The following PPP3CA variants were observed in gnomAD, a reference collection of about 807,000 sequenced individuals.
The protein encoded by PPP3CA is protein phosphatase 3 catalytic subunit alpha.
In PPP3CA, 14 loss-of-function variants were observed where a neutral mutation model predicts 66.5. The ratio of observed to expected loss-of-function variants is 0.21; its 90% CI spans 0.14 to 0.33. The LOEUF is 0.33. Ranked by LOEUF, PPP3CA falls within the 10% of genes least tolerant of loss-of-function variation. The pLI is 1.00. For synonymous variants in PPP3CA, 232 were observed against 226.2 expected (o/e 1.03, Z -0.23); for missense variants, 317 against 639.5 (o/e 0.50, Z 5.44).
intron 1 of PPP3CA, among the ~76,000 whole-genome samples, chr4:101,213,952 A>C (rs1474626767): frequency 1.3e-5 from 2 of 152,154 alleles, no homozygotes; most frequent in Non-Finnish European, 2.9e-5. Flanking sequence ...TTGGTTTTTG[A>C]CAAGTGACAG....
chr4:101,184,759 T>G (rs1386928109), intron 2 of PPP3CA, among the ~76,000 whole-genome samples: 4 of 152,146 alleles, frequency 2.6e-5, no homozygotes, highest in Non-Finnish European at 5.9e-5. Context: ...CAACAGAGCA[T>G]ATAAAACCTT....
At chr4:101,227,954 C>T (rs1365309399) in intron 1 of PPP3CA, among the ~76,000 whole-genome samples, 2 of 151,698 alleles carry the variant, frequency 1.3e-5, no homozygotes, top group East Asian at 3.9e-4. Context: ...ATCACATTTT[C>T]TTTATTCAGT....
chr4:101,083,030 C>T (rs1435621251), intron 7 of PPP3CA, among the ~76,000 whole-genome samples, 156 bp downstream of exon 7: 1 of 152,174 alleles, frequency 6.6e-6, no homozygotes, highest in Non-Finnish European at 1.5e-5. Context: ...CCCTAGGACT[C>T]TGTCATACCT....
Position 101,119,502 on chromosome 4 carries a change from AAAAAACAAAAAC to A in PPP3CA, c.260-10436_260-10425del, listed in dbSNP as rs377701668. The stretch of plus-strand genomic sequence containing the variant: ...GACATTTCACCAAATGGATTTTTTG[AAAAAACAAAAAC>A]AAAAACAAAAACAAAAAAACACAAA... On this transcript the variant is annotated intron_variant, in intron 2 of 13. Coordinates refer to ENST00000394854, the MANE Select transcript of PPP3CA (RefSeq NM_000944.5). 3.5e-3 allele frequency among the ~76,000 whole-genome samples: 529 copies of A among 152,134 alleles called. 2 individuals are homozygous for A. The highest frequency in any genetic ancestry group is 5.6e-3 in the Non-Finnish European group (380 of 67,950).
At chr4:101,057,807 T>G in intron 10 of PPP3CA, among the ~76,000 whole-genome samples, 1 of 152,194 alleles carries the variant, frequency 6.6e-6, no homozygotes, top group East Asian at 1.9e-4. Flanking sequence ...TCTTTTTCAA[T>G]TCCTCTGGGC....
chr4:101,058,406 A>C (rs1409859954), intron 10 of PPP3CA, among the ~76,000 whole-genome samples: 1 of 152,198 alleles, frequency 6.6e-6, no homozygotes, highest in Admixed American at 6.6e-5. Context: ...AAAGTGAGAG[A>C]TAAAGCTCAT....
At chr4:101,270,286 C>T in intron 1 of PPP3CA, among the ~76,000 whole-genome samples, 1 of 152,046 alleles carries the variant, frequency 6.6e-6, no homozygotes. Flanking sequence ...ACCAATAAAA[C>T]CTTTATCAAT....
chr4:101,031,866 G>GT (rs953172966), intron 12 of PPP3CA, among the ~76,000 whole-genome samples: 91 of 152,252 alleles, frequency 6.0e-4, no homozygotes, highest in African/African-American at 2.1e-3. Context: ...TATTTTAGTG[G>GT]TTATGTGTGT....
chr4:101,062,997 A>C (rs1728537803), intron 9 of PPP3CA, among the ~76,000 whole-genome samples: 1 of 151,864 alleles, frequency 6.6e-6, no homozygotes. Context: ...AGATTGTAAA[A>C]ATTTCCTAAA....
At chr4:101,273,392 G>A (rs1727393209) in intron 1 of PPP3CA, among the ~76,000 whole-genome samples, 1 of 152,056 alleles carries the variant, frequency 6.6e-6, no homozygotes, top group Non-Finnish European at 1.5e-5. Flanking sequence ...AGTGGCGCAG[G>A]CTCTACTCAC....
At chr4:101,206,834 A>G (rs767439260) in intron 1 of PPP3CA, among the ~76,000 whole-genome samples, 8 of 152,252 alleles carry the variant, frequency 5.3e-5, no homozygotes, top group Non-Finnish European at 1.0e-4. Flanking sequence ...TTCAGATCTA[A>G]AAGTATATAA....
At chr4:101,318,953 TA>T (rs1246817695) in intron 1 of PPP3CA, among the ~76,000 whole-genome samples, 2 of 152,106 alleles carry the variant, frequency 1.3e-5, no homozygotes, top group Non-Finnish European at 2.9e-5. Flanking sequence ...TCTATATTCT[TA>T]AATTCTTCTA....
rs1730703873 is a variant in PPP3CA at position 101,106,433 on chromosome 4, GAAAGA to G, written c.384+2516_384+2520del. ...AGAAAGAAAGAAAGAAAGAAAGAAA[GAAAGA>G]AAGAAAGAAAGAAAGAGAAAAGAAA... is the stretch of plus-strand genomic sequence containing the variant. On this transcript the variant is annotated intron_variant, in intron 3 of 13. Coordinates refer to ENST00000394854, the MANE Select transcript of PPP3CA (RefSeq NM_000944.5). 5.1e-4 allele frequency among the ~76,000 whole-genome samples: 6 copies of G among 11,708 alleles called. 2 individuals carry two copies. Among genetic ancestry groups the G allele is most frequent in the African/African-American group, 1.6e-3 (6 of 3,654 alleles). The allele number at this position is 11,708 out of a possible 152,430, so 7.7% of individuals were successfully genotyped here.
At chr4:101,233,484 GATA>G (rs1726029552) in intron 1 of PPP3CA, among the ~76,000 whole-genome samples, 1 of 151,796 alleles carries the variant, frequency 6.6e-6, no homozygotes, top group Middle Eastern at 3.4e-3. Flanking sequence ...AGCAGTTCAG[GATA>G]ATGTTTATTT....
intron 2 of PPP3CA, among the ~76,000 whole-genome samples, chr4:101,182,657 T>C (rs1228180596): frequency 3.9e-5 from 6 of 152,152 alleles, no homozygotes; most frequent in Non-Finnish European, 7.4e-5. Flanking sequence ...GATACATAGG[T>C]AACAATCTGC....
chr4:101,181,585 A>C (rs1376006189), intron 2 of PPP3CA, among the ~76,000 whole-genome samples: 1 of 152,072 alleles, frequency 6.6e-6, no homozygotes, highest in East Asian at 1.9e-4. Flanking sequence ...CTGGAATCTA[A>C]AAGCAGGATT....
chr4:101,185,209 A>C (rs915387498), intron 2 of PPP3CA, among the ~76,000 whole-genome samples: 1 of 152,128 alleles, frequency 6.6e-6, no homozygotes, highest in African/African-American at 2.4e-5. Flanking sequence ...CGAGGTAATA[A>C]TATTTTGTTA....
chr4:101,098,301 A>C, intron 5 of PPP3CA, 66 bp downstream of exon 5: 1 of 1,452,546 alleles, frequency 6.9e-7, no homozygotes, highest in Non-Finnish European at 9.2e-7. Context: ...AGGCAGGGTA[A>C]TTAATGTCTT....
At position 101,069,020 on chromosome 4, in the gene PPP3CA, A is replaced by G. The variant is rs551247612; in HGVS notation, c.956-5663T>C. ...GGTCTTTCACAGGCAAATTTTCAGT[A>G]AATGACTAAATTTTTCTGTCTTTAT... On this transcript the variant is annotated intron_variant, in intron 8 of 13. Coordinates refer to ENST00000394854, the MANE Select transcript of PPP3CA (RefSeq NM_000944.5). 4.1e-4 allele frequency among the ~76,000 whole-genome samples: 63 copies of G among 152,270 alleles called. 1 individual carries two copies. In the South Asian group the frequency reaches 0.012, roughly 30 times the overall value.
Sources: gnomAD v4.1 joint callset for allele counts (sites outside exome capture counted in the v4.1 genomes callset) on GRCh38, gnomAD v4.1.1 for gene constraint, MANE v1.5 for transcripts, NCBI Gene and HGNC (gene_info 2026-07-23, HGNC 2026-07-21) for gene names.